The following ADAMTS6 variants were observed in gnomAD, a reference collection of about 807,000 sequenced individuals.
ADAMTS6 encodes the protein ADAM metallopeptidase with thrombospondin type 1 motif 6.
In ADAMTS6, 23 loss-of-function variants were observed where a neutral mutation model predicts 144.3. The observed-to-expected ratio is 0.16, with a 90% CI of 0.11 to 0.23. ADAMTS6 has a LOEUF of 0.23. Among genes scored for constraint, ADAMTS6 ranks in the 10% least tolerant of loss-of-function variants. ADAMTS6 has a pLI of 1.00. For missense variants in ADAMTS6, 999 were observed against 1,379.6 expected (o/e 0.72, Z 4.37); for synonymous variants, 444 against 457.5 (o/e 0.97, Z 0.38).
chr5:65,369,871 G>A (rs1289355588), intron 7 of ADAMTS6, among the ~76,000 whole-genome samples: 1 of 151,954 alleles, frequency 6.6e-6, no homozygotes, highest in Non-Finnish European at 1.5e-5. Flanking sequence ...AAAATCATCT[G>A]AAGCAACAAA....
At chr5:65,454,044 T>C (rs1024352253) in intron 4 of ADAMTS6, among the ~76,000 whole-genome samples, 23 of 152,106 alleles carry the variant, frequency 1.5e-4, no homozygotes, top group African/African-American at 4.6e-4. Context: ...ATGAAAACCA[T>C]TGTTGTAGGA....
chr5:65,441,832 C>CAA (rs34446676), intron 7 of ADAMTS6, among the ~76,000 whole-genome samples: 117 of 100,712 alleles, frequency 1.2e-3, no homozygotes, highest in Middle Eastern at 6.8e-3. Flanking sequence ...AGCCATGGGT[C>CAA]AAAAAAAAAA....
intron 11 of ADAMTS6, among the ~76,000 whole-genome samples, chr5:65,274,794 C>T (rs1011990832): frequency 1.3e-5 from 2 of 152,268 alleles, no homozygotes; most frequent in African/African-American, 2.4e-5. Context: ...AAGCGACTCT[C>T]TTGCCTCAGC....
chr5:65,382,604 G>T (rs1227362803), intron 7 of ADAMTS6, among the ~76,000 whole-genome samples: 1 of 152,202 alleles, frequency 6.6e-6, no homozygotes, highest in African/African-American at 2.4e-5. Flanking sequence ...TGGGGACCTG[G>T]CACTTTATTG....
intron 7 of ADAMTS6, among the ~76,000 whole-genome samples, chr5:65,436,472 T>C (rs1757414631): frequency 6.6e-6 from 1 of 152,204 alleles, no homozygotes; most frequent in Non-Finnish European, 1.5e-5. Context: ...TAGTCACTGC[T>C]CCCACCTCAA....
chr5:65,369,536 A>C (rs759319833), intron 7 of ADAMTS6, among the ~76,000 whole-genome samples: 40 of 136,488 alleles, frequency 2.9e-4, no homozygotes, highest in Middle Eastern at 7.2e-3. Context: ...GTTACGCTTC[A>C]TTAAAAAAAA....
chr5:65,347,466 G>T (rs76749570), intron 7 of ADAMTS6, among the ~76,000 whole-genome samples: 1 of 151,854 alleles, frequency 6.6e-6, no homozygotes, highest in Non-Finnish European at 1.5e-5. Flanking sequence ...GAATGAGATT[G>T]GACCCTCAAC....
intron 7 of ADAMTS6, among the ~76,000 whole-genome samples, chr5:65,366,998 C>T (rs999687475): frequency 6.6e-6 from 1 of 152,028 alleles, no homozygotes; most frequent in African/African-American, 2.4e-5. Context: ...GGTGGGGAGA[C>T]TTTTTAAATA....
intron 15 of ADAMTS6, among the ~76,000 whole-genome samples, chr5:65,230,721 G>A (rs1758147478): frequency 2.6e-5 from 2 of 76,602 alleles, no homozygotes; most frequent in African/African-American, 5.5e-5. Flanking sequence ...TAACACATAT[G>A]TATGAAATAT....
At chr5:65,463,374 C>T (rs1463112047) in intron 3 of ADAMTS6, among the ~76,000 whole-genome samples, 1 of 152,076 alleles carries the variant, frequency 6.6e-6, no homozygotes, top group African/African-American at 2.4e-5. Context: ...ATTTCAGAAA[C>T]AATCAGGAGC....
At chr5:65,277,661 G>A (rs1050619749) in intron 11 of ADAMTS6, among the ~76,000 whole-genome samples, 2 of 151,738 alleles carry the variant, frequency 1.3e-5, no homozygotes, top group African/African-American at 4.8e-5. Flanking sequence ...ACAGTAGACT[G>A]TAAAATTCCC....
chr5:65,217,283 C>T (rs1173616883), intron 18 of ADAMTS6, among the ~76,000 whole-genome samples: 1 of 151,784 alleles, frequency 6.6e-6, no homozygotes, highest in Non-Finnish European at 1.5e-5. Context: ...TTTATAAGGA[C>T]ATCTGAGACT....
At chr5:65,206,783 G>C (rs1473475439) in intron 20 of ADAMTS6, among the ~76,000 whole-genome samples, 1 of 140,280 alleles carries the variant, frequency 7.1e-6, no homozygotes, top group Non-Finnish European at 1.6e-5. Context: ...AAAAAAGAAA[G>C]ACATAAATAT....
chr5:65,413,023 C>A (rs1188688393), intron 7 of ADAMTS6, among the ~76,000 whole-genome samples: 1 of 152,072 alleles, frequency 6.6e-6, no homozygotes, highest in African/African-American at 2.4e-5. Flanking sequence ...CAGTTCCAAC[C>A]TACGTATCAA....
chr5:65,265,752 C>T (rs1033480742), intron 12 of ADAMTS6, among the ~76,000 whole-genome samples: 3 of 151,850 alleles, frequency 2.0e-5, no homozygotes, highest in Non-Finnish European at 4.4e-5. Flanking sequence ...CTCAAAGGAA[C>T]TTCAGAATTC....
At chr5:65,326,589 A>C (rs929880740) in intron 9 of ADAMTS6, among the ~76,000 whole-genome samples, 18 of 152,334 alleles carry the variant, frequency 1.2e-4, no homozygotes, top group African/African-American at 4.3e-4. Flanking sequence ...CAGTCTAGTT[A>C]CTCAGTAGGG....
chr5:65,212,869 A>C (rs1756636208), intron 20 of ADAMTS6, among the ~76,000 whole-genome samples: 1 of 152,192 alleles, frequency 6.6e-6, no homozygotes, highest in African/African-American at 2.4e-5. Flanking sequence ...CTAAACTTCA[A>C]ATTATTTAAA....
chr5:65,218,938 C>T (rs181417574), intron 18 of ADAMTS6, among the ~76,000 whole-genome samples: 25 of 152,036 alleles, frequency 1.6e-4, no homozygotes, highest in Non-Finnish European at 2.5e-4. Context: ...AAATTAAAAA[C>T]GCATTTTGTA....
intron 7 of ADAMTS6, among the ~76,000 whole-genome samples, chr5:65,412,441 C>T (rs771277825): frequency 4.6e-5 from 7 of 151,928 alleles, no homozygotes; most frequent in East Asian, 3.8e-4. Flanking sequence ...AACACACACA[C>T]GCACACACAC....
Sources: gnomAD v4.1 joint callset for allele counts (sites outside exome capture counted in the v4.1 genomes callset) on GRCh38, gnomAD v4.1.1 for gene constraint, MANE v1.5 for transcripts, NCBI Gene and HGNC (gene_info 2026-07-23, HGNC 2026-07-21) for gene names.